Variants in CEP57 observed in about 807,000 individuals in gnomAD.
CEP57 encodes centrosomal protein of 57 kDa.
A neutral mutation model predicts 68.0 loss-of-function variants in CEP57; 40 were observed. The observed-to-expected ratio is 0.59, with a 90% confidence interval of 0.46 to 0.77. CEP57 has a LOEUF of 0.77. Among genes scored for constraint, CEP57 ranks in the 30% least tolerant of loss-of-function variants. The pLI is 0.00. For missense variants in CEP57, 606 were observed against 580.7 expected (o/e 1.04, Z -0.45); for synonymous variants, 219 against 198.7 (o/e 1.10, Z -0.86).
chr11:95,831,489 TG>T lies in CEP57; in HGVS notation c.*234del. On this transcript the variant is annotated 3_prime_UTR_variant, in exon 11 of 11. Transcript: ENST00000325542. ...GCCCGAGAAACCACACATAATCTTT[TG>T]TTGAGATGAGTTTGCTGTACTGACG... 2.4e-6 allele frequency: 1 copy of T among 418,812 alleles called. No homozygotes were observed. Among genetic ancestry groups the T allele is most frequent in the Non-Finnish European group, 4.3e-6 (1 of 230,970 alleles). The allele number at this position is 418,812 out of a possible 1,614,324, so 25.9% of individuals were successfully genotyped here. A position where few individuals can be genotyped will look rare whatever the true frequency, so the allele number is the denominator to read the frequency against.
rs770567183 is a variant in CEP57 at position 95,813,002 on chromosome 11, A to G, written c.273A>G (p.Glu91=). 1.2e-6 allele frequency: 2 copies of G among 1,614,112 alleles called. No homozygotes were observed. The highest frequency in any genetic ancestry group is 1.7e-6 in the Non-Finnish European group (2 of 1,180,010). The change falls in exon 3 of 11, where the codon GAA becomes GAG. Residue 91 remains glutamate, a synonymous_variant. Transcript: ENST00000325542. ...TGGAACTTGAGAGGATTCAGGCAGAAGAAAGTGTGAAAACCTTGTCTAGAG... is the reference window on the plus strand; with the variant it reads ...TGGAACTTGAGAGGATTCAGGCAGAGGAAAGTGTGAAAACCTTGTCTAGAG... ...RRLELERIQA[E]ESVKTLSRET...
chr11:95,793,279 T>C (rs993688771), intron 1 of CEP57, among the ~76,000 whole-genome samples: 1 of 152,218 alleles, frequency 6.6e-6, no homozygotes, highest in African/African-American at 2.4e-5. Context: ...TTGGGCATAA[T>C]GAAATTAATT....
intron 2 of CEP57, among the ~76,000 whole-genome samples, chr11:95,801,988 A>G (rs933707923): frequency 2.0e-5 from 3 of 152,170 alleles, no homozygotes; most frequent in African/African-American, 4.8e-5. Context: ...TACTTTCCAA[A>G]TGGGAAGGAA....
intron 2 of CEP57, among the ~76,000 whole-genome samples, chr11:95,804,706 G>C (rs1861719305): frequency 6.6e-6 from 1 of 152,130 alleles, no homozygotes; most frequent in Non-Finnish European, 1.5e-5. Flanking sequence ...CATTGTTAAT[G>C]AAAATGCTTA....
intron 1 of CEP57, among the ~76,000 whole-genome samples, chr11:95,792,444 C>G (rs1320610754): frequency 6.6e-6 from 1 of 152,148 alleles, no homozygotes; most frequent in Non-Finnish European, 1.5e-5. Flanking sequence ...AGTGCCACTG[C>G]TCTCCAGCCT....
chr11:95,820,544 TCACAC>T (rs1565328372), intron 6 of CEP57, among the ~76,000 whole-genome samples: 2 of 127,296 alleles, frequency 1.6e-5, no homozygotes, highest in African/African-American at 6.0e-5. Context: ...TGAGTTGAGA[TCACAC>T]CACCTGCATT....
chr11:95,791,763 C>G (rs1861091273), intron 1 of CEP57, among the ~76,000 whole-genome samples: 1 of 152,034 alleles, frequency 6.6e-6, no homozygotes, highest in Non-Finnish European at 1.5e-5. Context: ...TTGCTTGTCC[C>G]AAGAGTAGAG....
chr11:95,822,467 A>G (rs909631282), intron 7 of CEP57, 32 bp from the exon 8 acceptor site: 2 of 1,541,744 alleles, frequency 1.3e-6, no homozygotes, highest in African/African-American at 2.7e-5. Context: ...ATGTGAATAA[A>G]ATAAAATTGT....
At chr11:95,810,522 T>G (rs1282743930) in intron 2 of CEP57, among the ~76,000 whole-genome samples, 2 of 152,188 alleles carry the variant, frequency 1.3e-5, no homozygotes, top group Admixed American at 1.3e-4. Flanking sequence ...ACAAAATCAA[T>G]GTGCAAAAAT....
chr11:95,799,887 A>G (rs1036878243), intron 2 of CEP57, among the ~76,000 whole-genome samples: 1 of 152,146 alleles, frequency 6.6e-6, no homozygotes, highest in African/African-American at 2.4e-5. Flanking sequence ...AGCTTACATA[A>G]TAAATTCTTA....
intron 8 of CEP57, among the ~76,000 whole-genome samples, chr11:95,824,942 T>G (rs1429139142): frequency 6.6e-6 from 1 of 152,190 alleles, no homozygotes; most frequent in African/African-American, 2.4e-5. Flanking sequence ...ATCAATCCTT[T>G]GTCCCTGAAG....
intron 6 of CEP57, among the ~76,000 whole-genome samples, chr11:95,821,490 T>G (rs1018961001): frequency 3.6e-4 from 55 of 152,216 alleles, no homozygotes; most frequent in African/African-American, 1.3e-3. Flanking sequence ...TATTCTGCTC[T>G]TCGGCTGTTT....
chr11:95,790,954 C>T (rs757770817), intron 1 of CEP57, among the ~76,000 whole-genome samples: 21 of 152,336 alleles, frequency 1.4e-4, no homozygotes, highest in Middle Eastern at 6.8e-3. Context: ...GGCTGGCCGC[C>T]CCTGTTCCCC....
At chr11:95,806,045 A>G (rs1257275782) in intron 2 of CEP57, among the ~76,000 whole-genome samples, 1 of 152,214 alleles carries the variant, frequency 6.6e-6, no homozygotes, top group Admixed American at 6.5e-5. Context: ...GAAACACCAC[A>G]CCCAAGACTG....
intron 4 of CEP57, chr11:95,815,352 T>G (rs1183259310): frequency 2.0e-5 from 3 of 152,206 alleles, no homozygotes; most frequent in African/African-American, 7.2e-5. Flanking sequence ...CCACTTAGTT[T>G]TGTTCTTTGA....
At chr11:95,806,781 A>G (rs1032171693) in intron 2 of CEP57, among the ~76,000 whole-genome samples, 1 of 152,220 alleles carries the variant, frequency 6.6e-6, no homozygotes, top group African/African-American at 2.4e-5. Context: ...TCTGTAGACT[A>G]ACCTCTCCGG....
intron 6 of CEP57, 88 bp downstream of exon 6, chr11:95,818,992 T>G (rs1658314134): frequency 9.8e-7 from 1 of 1,023,930 alleles, no homozygotes; most frequent in Non-Finnish European, 1.5e-6. Flanking sequence ...TATCTTACAT[T>G]ATTTGTATTT....
Position 95,817,772 on chromosome 11 carries a change from A to T in CEP57, c.505-15A>T. The T allele has an allele frequency of 6.6e-7, 1 of 1,522,402 alleles. No homozygotes were observed. The highest frequency in any genetic ancestry group is 1.1e-5 in the South Asian group (1 of 89,168). The allele number at this position is 1,522,402 out of a possible 1,614,324, so 94.3% of individuals were successfully genotyped here. ...ATTGTCAAATTATCAAGCCGTATTG[A>T]ATATTGTTTTTCAGGTTTCCCTAGA... On this transcript the variant is annotated splice_polypyrimidine_tract_variant and intron_variant, in intron 4 of 10. Coordinates refer to ENST00000325542, the MANE Select transcript of CEP57 (RefSeq NM_014679.5).
chr11:95,799,471 A>G, intron 2 of CEP57, 83 bp downstream of exon 2: 2 of 1,530,822 alleles, frequency 1.3e-6, no homozygotes, highest in Non-Finnish European at 9.0e-7. Flanking sequence ...TTATTTTGCC[A>G]TTAGAGGAAA....
Sources: allele counts gnomAD v4.1 joint callset (sites outside exome capture counted in the v4.1 genomes callset), GRCh38; gene constraint gnomAD v4.1.1; transcripts MANE v1.5; gene names NCBI Gene and HGNC (gene_info 2026-07-23, HGNC 2026-07-21).